Variants in CLVS1 observed in about 807,000 individuals in gnomAD.
The protein encoded by CLVS1 is clavesin 1.
CLVS1 carries 10 observed loss-of-function variants against 33.1 expected under a neutral mutation model. The observed-to-expected ratio is 0.30, with a 90% confidence interval of 0.19 to 0.51. The LOEUF (loss-of-function observed/expected upper bound fraction) is 0.51. CLVS1 is among the 20% of genes least tolerant of loss of function. CLVS1 has a pLI of 0.97. For synonymous variants in CLVS1, 163 were observed against 166.1 expected (o/e 0.98, Z 0.14); for missense variants, 343 against 433.4 (o/e 0.79, Z 1.85).
At chr8:61,037,714 A>G in the CLVS1 span, among the ~76,000 whole-genome samples, 1 of 152,212 alleles carries the variant, frequency 6.6e-6, no homozygotes, top group Non-Finnish European at 1.5e-5. Flanking sequence ...TACTACTTCA[A>G]CAAACACTCG....
intron 2 of CLVS1, among the ~76,000 whole-genome samples, chr8:61,369,078 C>A (rs1813327930): frequency 6.6e-6 from 1 of 151,678 alleles, no homozygotes; most frequent in Non-Finnish European, 1.5e-5. Flanking sequence ...TCCATCCTTC[C>A]TTTTTCTTCT....
At chr8:61,265,538 C>CT (rs1809287591) in intron 2 of CLVS1, among the ~76,000 whole-genome samples, 1 of 152,172 alleles carries the variant, frequency 6.6e-6, no homozygotes, top group African/African-American at 2.4e-5. Context: ...CTATGAGAGG[C>CT]TTGTTGCTAT....
Position 61,300,056 on chromosome 8 carries a change from C to A in CLVS1, c.229C>A (p.Leu77Met), listed in dbSNP as rs914410607. ...TTTACGTACAGATGATGCCTTCATC[C>A]TGAGATTTCTCCGAGCCAGGAAGTT... The part of the protein sequence containing the change: ...GFLRTDDAFI[L>M]RFLRARKFHQ... The change falls in exon 2 of 6, where the codon CTG becomes ATG. Residue 77 changes from leucine (L) to methionine (M), a missense_variant. By Grantham distance (15) the Leu-to-Met change is conservative. This residue lies in a region of CLVS1 where 166 missense variants were observed against 244.0 expected (regional missense o/e 0.68). Transcript: ENST00000325897. 1 of 1,613,898 alleles carries A rather than the reference C, an allele frequency of 6.2e-7. No individual in the cohort carries two copies.
At chr8:61,051,406 A>G in the CLVS1 span, among the ~76,000 whole-genome samples, 1 of 152,218 alleles carries the variant, frequency 6.6e-6, no homozygotes, top group Admixed American at 6.5e-5. Flanking sequence ...AGTTGGGAAA[A>G]TGGGGTCCCC....
At chr8:61,153,805 G>A (rs943545090) in intron 2 of CLVS1, among the ~76,000 whole-genome samples, 2 of 152,144 alleles carry the variant, frequency 1.3e-5, no homozygotes, top group Non-Finnish European at 2.9e-5. Flanking sequence ...TGGGTCTCAG[G>A]TAGTCTCAGG....
intron 3 of CLVS1, among the ~76,000 whole-genome samples, chr8:61,433,941 T>TAA (rs112113590): frequency 7.0e-6 from 1 of 142,038 alleles, no homozygotes. Context: ...TATCATTCAT[T>TAA]AAAAAAAAAA....
At chr8:61,356,418 A>G (rs1006070553) in intron 2 of CLVS1, among the ~76,000 whole-genome samples, 1 of 151,808 alleles carries the variant, frequency 6.6e-6, no homozygotes, top group Non-Finnish European at 1.5e-5. Context: ...CTTTTGTTTA[A>G]TTAGATCCCA....
intron 2 of CLVS1, among the ~76,000 whole-genome samples, chr8:61,173,809 G>A (rs1340344376): frequency 6.6e-6 from 1 of 152,270 alleles, no homozygotes; most frequent in South Asian, 2.1e-4. Flanking sequence ...GTATTCAGCC[G>A]AATACTGATC....
chr8:61,111,904 C>A (rs1384875630), intron 1 of CLVS1, among the ~76,000 whole-genome samples: 3 of 151,706 alleles, frequency 2.0e-5, no homozygotes, highest in African/African-American at 7.3e-5. Flanking sequence ...TTAATTTTTC[C>A]AGAAGATCTC....
At chr8:61,219,628 T>C (rs907911518) in intron 2 of CLVS1, among the ~76,000 whole-genome samples, 3 of 152,348 alleles carry the variant, frequency 2.0e-5, no homozygotes, top group African/African-American at 7.2e-5. Context: ...TGTGTCTTTA[T>C]AGTAGAGTGA....
chr8:61,045,571 A>T, the CLVS1 span, among the ~76,000 whole-genome samples: 1 of 152,216 alleles, frequency 6.6e-6, no homozygotes, highest in Non-Finnish European at 1.5e-5. Flanking sequence ...CAAGTGGATG[A>T]GGGACTACTT....
chr8:61,022,305 T>C, the CLVS1 span, among the ~76,000 whole-genome samples: 3 of 152,146 alleles, frequency 2.0e-5, no homozygotes, highest in Admixed American at 2.0e-4. Context: ...TTCCAAGGAG[T>C]TGTAGATGAT....
intron 1 of CLVS1, among the ~76,000 whole-genome samples, chr8:61,094,536 T>C (rs1317596670): frequency 6.6e-6 from 1 of 152,188 alleles, no homozygotes; most frequent in Non-Finnish European, 1.5e-5. Context: ...ATGTACTGAA[T>C]TGTGTCTCCC....
At chr8:61,254,794 C>A (rs550897263) in intron 2 of CLVS1, among the ~76,000 whole-genome samples, 48 of 152,140 alleles carry the variant, frequency 3.2e-4, no homozygotes, top group Non-Finnish European at 5.3e-4. Flanking sequence ...GTGGGACTGA[C>A]CCGATTTTCC....
chr8:61,345,223 G>A (rs1812169215), intron 2 of CLVS1, among the ~76,000 whole-genome samples: 1 of 152,210 alleles, frequency 6.6e-6, no homozygotes, highest in Non-Finnish European at 1.5e-5. Flanking sequence ...TCTCAAGGCA[G>A]TAGGCCCCAT....
At chr8:61,187,331 T>C (rs987020277) in intron 2 of CLVS1, among the ~76,000 whole-genome samples, 1 of 152,122 alleles carries the variant, frequency 6.6e-6, no homozygotes, top group Non-Finnish European at 1.5e-5. Flanking sequence ...AGCAACCTCA[T>C]TTCCTTATTG....
intron 1 of CLVS1, among the ~76,000 whole-genome samples, chr8:61,126,739 C>T (rs1487027158): frequency 6.6e-6 from 1 of 152,212 alleles, no homozygotes; most frequent in African/African-American, 2.4e-5. Flanking sequence ...TTGTCATGTT[C>T]ACTCTCCTTC....
At chr8:61,160,106 G>T (rs1388248121) in intron 2 of CLVS1, among the ~76,000 whole-genome samples, 1 of 152,222 alleles carries the variant, frequency 6.6e-6, no homozygotes, top group African/African-American at 2.4e-5. Flanking sequence ...GAGCTTCTCT[G>T]CTGAAGAAAC....
intron 3 of CLVS1, chr8:61,378,432 A>G (rs1006158667): frequency 3.3e-5 from 5 of 152,228 alleles, no homozygotes; most frequent in Non-Finnish European, 5.9e-5. Context: ...AATGCTATAT[A>G]TAAATCAAAG....
Sources: gnomAD v4.1 joint callset for allele counts (sites outside exome capture counted in the v4.1 genomes callset) on GRCh38, gnomAD v4.1.1 for gene constraint, gnomAD v4.1.1 regional missense constraint, MANE v1.5 for transcripts, NCBI Gene and HGNC (gene_info 2026-07-23, HGNC 2026-07-21) for gene names.